C10orf67: variants seen among roughly 807,000 people sequenced by gnomAD.
C10orf67 encodes the protein chromosome 10 open reading frame 67.
A neutral mutation model predicts 35.6 loss-of-function variants in C10orf67; 60 were observed. The observed-to-expected ratio is 1.68, with a 90% CI of 1.37 to 2.09. C10orf67 has a LOEUF of 2.09. Ranked by LOEUF, C10orf67 falls within the 30% of genes most tolerant of loss-of-function variation. The probability of loss-of-function intolerance (pLI) is 0.00; values close to 1 mark genes in which losing one functional copy is unlikely to be tolerated. For missense variants in C10orf67, 474 were observed against 330.2 expected (o/e 1.44, Z -3.38); for synonymous variants, 167 against 115.8 (o/e 1.44, Z -2.84).
intron 9 of C10orf67, among the ~76,000 whole-genome samples, chr10:23,266,952 G>A (rs117912346): frequency 0.015 from 2,312 of 152,056 alleles, 22 homozygotes; most frequent in Admixed American, 0.025. Flanking sequence ...ACTGTGTTGC[G>A]CAGGCTGGTC....
intron 15 of C10orf67, among the ~76,000 whole-genome samples, chr10:23,213,358 T>C (rs1311305865): frequency 2.0e-5 from 3 of 152,152 alleles, no homozygotes; most frequent in Non-Finnish European, 4.4e-5. Context: ...AATCATCAGA[T>C]CCAAATTTTA....
At chr10:23,332,018 A>G (rs1692845561) in intron 2 of C10orf67, among the ~76,000 whole-genome samples, 3 of 152,228 alleles carry the variant, frequency 2.0e-5, no homozygotes, top group Admixed American at 2.0e-4. Context: ...CAATTTGGCA[A>G]TATCCTTCAA....
intron 10 of C10orf67, among the ~76,000 whole-genome samples, chr10:23,253,345 G>A (rs1332700974): frequency 6.6e-6 from 1 of 152,134 alleles, no homozygotes; most frequent in Non-Finnish European, 1.5e-5. Flanking sequence ...ACACTTTTTG[G>A]AGTCCCTCCA....
chr10:23,235,529 T>G (rs2132129516), intron 13 of C10orf67, among the ~76,000 whole-genome samples: 1 of 152,352 alleles, frequency 6.6e-6, no homozygotes, highest in Middle Eastern at 3.4e-3. Flanking sequence ...GCAGTTGTTT[T>G]TTAAATGAGT....
chr10:23,206,214 G>A (rs918482302), intron 15 of C10orf67, among the ~76,000 whole-genome samples: 1 of 152,182 alleles, frequency 6.6e-6, no homozygotes, highest in Non-Finnish European at 1.5e-5. Context: ...AAAACCAATG[G>A]AATGGTTTGC....
intron 5 of C10orf67, among the ~76,000 whole-genome samples, chr10:23,300,773 G>A (rs967530072): frequency 3.9e-5 from 6 of 152,154 alleles, no homozygotes; most frequent in African/African-American, 1.2e-4. Context: ...CTGTGTCCCA[G>A]TGAGGGTCTA....
chr10:23,269,518 G>A (rs183669509), intron 8 of C10orf67, among the ~76,000 whole-genome samples: 79 of 152,170 alleles, frequency 5.2e-4, no homozygotes, highest in Middle Eastern at 6.8e-3. Context: ...AATAAATAAC[G>A]AAATAGTAGA....
intron 2 of C10orf67, among the ~76,000 whole-genome samples, chr10:23,330,077 T>C (rs931326822): frequency 2.0e-5 from 3 of 152,198 alleles, no homozygotes; most frequent in African/African-American, 7.2e-5. Context: ...ACATGATTTT[T>C]TTAAATGCCT....
intron 8 of C10orf67, among the ~76,000 whole-genome samples, chr10:23,273,862 CG>C (rs1374262320): frequency 6.6e-6 from 1 of 152,172 alleles, no homozygotes; most frequent in Non-Finnish European, 1.5e-5. Flanking sequence ...CTGAAGTCCA[CG>C]TAGTTGTTTT....
In C10orf67 at chr10:23,274,338, T is replaced by C. The variant is rs555754262; in HGVS notation, c.976-7084A>G. On this transcript the variant is annotated intron_variant, in intron 8 of 15. Transcript: ENST00000636213. The stretch of plus-strand genomic sequence containing the variant: ...TTACCAGGCTGGAATTTCCCAATCC[T>C]AGTAAGCCTGAGGGCACTGCAGGAG... 4.0e-4 allele frequency among the ~76,000 whole-genome samples: 61 copies of C among 152,282 alleles called. No homozygotes were observed. The South Asian group carries it at 0.013, about 32-fold the overall frequency.
Position 23,331,269 on chromosome 10 carries a change from G to C in C10orf67, c.327+1793C>G, listed in dbSNP as rs1191818650. Among the ~76,000 whole-genome samples the C allele has an allele frequency of 1.0e-3, 13 of 12,412 alleles. 5 individuals carry two copies. The highest frequency in any genetic ancestry group is 9.6e-3 in the East Asian group (1 of 104). The allele number at this position is 12,412 out of a possible 152,430, so 8.1% of individuals were successfully genotyped here. A position where few individuals can be genotyped will look rare whatever the true frequency, so the allele number is the denominator to read the frequency against. On this transcript the variant is annotated intron_variant, in intron 2 of 15. Coordinates refer to ENST00000636213, the MANE Select transcript of C10orf67 (RefSeq NM_001371909.1). ...GAAGGGAAGAGGGAAGGGAAGGGAAGAGGGAAGGGAAGGGAAGGGAAGAGG... is the reference window on the plus strand; with the variant it reads ...GAAGGGAAGAGGGAAGGGAAGGGAACAGGGAAGGGAAGGGAAGGGAAGAGG...
At chr10:23,251,899 A>G (rs1842464658) in intron 10 of C10orf67, among the ~76,000 whole-genome samples, 3 of 152,212 alleles carry the variant, frequency 2.0e-5, no homozygotes, top group Non-Finnish European at 4.4e-5. Context: ...GAGACTTACA[A>G]TATGCTAACC....
At chr10:23,224,317 C>G (rs886698469) in intron 13 of C10orf67, among the ~76,000 whole-genome samples, 6 of 152,160 alleles carry the variant, frequency 3.9e-5, no homozygotes, top group African/African-American at 1.4e-4. Flanking sequence ...AGCTGAGGGT[C>G]CTGAGTGTTA....
intron 3 of C10orf67, among the ~76,000 whole-genome samples, chr10:23,321,460 T>C (rs1335973428): frequency 6.6e-6 from 1 of 152,192 alleles, no homozygotes; most frequent in Non-Finnish European, 1.5e-5. Context: ...TATCCTCCTG[T>C]TTCAACCTCT....
In C10orf67 at chr10:23,291,270, CA is replaced by C; in HGVS notation, c.711del (p.Phe237LeufsTer12). ...KDFGFHKMES[F>X]AKETSSPKSN... ...GATTTTGGAGAGCTGGTTTCTTTGG[CA>C]AAAGATTCCTAAAAGATGGAGAATG... is the stretch of plus-strand genomic sequence containing the variant. On this transcript the variant is annotated frameshift_variant, in exon 6 of 16. Coordinates refer to ENST00000636213, the MANE Select transcript of C10orf67 (RefSeq NM_001371909.1). LOFTEE classifies it high-confidence loss of function. The C allele has an allele frequency of 1.4e-6, 1 of 713,362 alleles. No homozygotes were observed. The highest frequency in any genetic ancestry group is 1.5e-5 in the South Asian group (1 of 66,412). 44.2% of individuals were successfully genotyped at this position (713,362 alleles called of 1,614,324 possible).
intron 2 of C10orf67, among the ~76,000 whole-genome samples, chr10:23,328,940 C>T (rs1175183253): frequency 1.5e-5 from 2 of 134,084 alleles, no homozygotes; most frequent in East Asian, 4.7e-4. Context: ...AGCCATGATT[C>T]TGCCACTACA....
rs549840298 is a variant in C10orf67 at position 23,272,451 on chromosome 10, T to TA, written c.976-5198dup. ...TACTATTTGTTGAAAAGATTATCCT[T>TA]ACTACTTGAATTGCGTTTGCATCTT... is the stretch of plus-strand genomic sequence containing the variant. On this transcript the variant is annotated intron_variant, in intron 8 of 15. Coordinates refer to ENST00000636213, the MANE Select transcript of C10orf67 (RefSeq NM_001371909.1). 1.1e-4 allele frequency among the ~76,000 whole-genome samples: 17 copies of TA among 152,348 alleles called. 1 individual carries two copies. The South Asian group carries it at 3.5e-3, about 32-fold the overall frequency.
intron 13 of C10orf67, among the ~76,000 whole-genome samples, chr10:23,229,026 C>T (rs1193433037): frequency 2.6e-5 from 4 of 152,036 alleles, no homozygotes; most frequent in African/African-American, 4.8e-5. Flanking sequence ...GACAGTGTGG[C>T]GATTCCTCAA....
intron 8 of C10orf67, 104 bp from the exon 9 acceptor site, chr10:23,267,358 C>G (rs1206198461): frequency 3.6e-6 from 2 of 553,940 alleles, no homozygotes; most frequent in Non-Finnish European, 6.5e-6. Context: ...CGTTTTAAAC[C>G]ATTTGTCTCC....
Sources: allele counts gnomAD v4.1 joint callset (sites outside exome capture counted in the v4.1 genomes callset), GRCh38; gene constraint gnomAD v4.1.1; transcripts MANE v1.5; gene names NCBI Gene and HGNC (gene_info 2026-07-23, HGNC 2026-07-21).